LRRC69: variants seen among roughly 807,000 people sequenced by gnomAD.
The protein encoded by LRRC69 is leucine rich repeat containing 69.
A neutral mutation model predicts 37.8 loss-of-function variants in LRRC69; 42 were observed. The ratio of observed to expected loss-of-function variants is 1.11; its 90% CI spans 0.87 to 1.44. LRRC69 has a LOEUF of 1.44. Among genes scored for constraint, LRRC69 ranks in the 40% most tolerant of loss-of-function variants. The pLI, the probability that LRRC69 is intolerant of heterozygous loss-of-function variation, is 0.00. For missense variants in LRRC69, 357 were observed against 401.9 expected, an observed-to-expected ratio of 0.89 and a Z score of 0.96; for synonymous variants, 141 against 143.1, an observed-to-expected ratio of 0.99 and a Z score of 0.11.
Position 91,214,387 on chromosome 8 carries a change from C to T in LRRC69, c.934-4503C>T, listed in dbSNP as rs139872220. 1.9e-3 allele frequency among the ~76,000 whole-genome samples: 295 copies of T among 152,240 alleles called. 3 individuals are homozygous for T. Among genetic ancestry groups the T allele is most frequent in the African/African-American group, 6.5e-3 (270 of 41,542 alleles). ...CAGACTGGCATGGAAAAGAAATATA[C>T]TTCTTCAGTATGTTATTTGAAAACA... On this transcript the variant is annotated intron_variant, in intron 7 of 7. Coordinates refer to ENST00000448384, the Ensembl canonical transcript of LRRC69.
chr8:91,199,446 G>A (rs1410218509), intron 6 of LRRC69, among the ~76,000 whole-genome samples: 1 of 152,070 alleles, frequency 6.6e-6, no homozygotes, highest in Non-Finnish European at 1.5e-5. Flanking sequence ...GGAGGGATAG[G>A]ATAATAGGAA....
chr8:91,104,384 G>A (rs1813271537), intron 1 of LRRC69, among the ~76,000 whole-genome samples: 1 of 151,696 alleles, frequency 6.6e-6, no homozygotes, highest in Non-Finnish European at 1.5e-5. Context: ...TGTGTCTTGG[G>A]TAACTCTAAA....
intron 7 of LRRC69, among the ~76,000 whole-genome samples, chr8:91,203,663 T>C (rs1809748229): frequency 6.6e-6 from 1 of 151,816 alleles, no homozygotes; most frequent in African/African-American, 2.4e-5. Context: ...CCTCCCAAAG[T>C]GCTGGGATTA....
At chr8:91,145,588 A>C (rs1808606431) in intron 5 of LRRC69, among the ~76,000 whole-genome samples, 1 of 151,906 alleles carries the variant, frequency 6.6e-6, no homozygotes, top group Non-Finnish European at 1.5e-5. Context: ...TCAGTTTATT[A>C]GGAGCCATAC....
At chr8:91,181,963 T>C (rs1347579321) in intron 5 of LRRC69, among the ~76,000 whole-genome samples, 1 of 152,190 alleles carries the variant, frequency 6.6e-6, no homozygotes, top group Non-Finnish European at 1.5e-5. Context: ...ATGATGATGA[T>C]CTTTTACATA....
intron 1 of LRRC69, among the ~76,000 whole-genome samples, chr8:91,114,317 TGA>T (rs1486631231): frequency 6.6e-6 from 1 of 151,856 alleles, no homozygotes; most frequent in Non-Finnish European, 1.5e-5. Context: ...CCAAAGCAAA[TGA>T]AATCAGTATG....
intron 5 of LRRC69, among the ~76,000 whole-genome samples, chr8:91,168,812 A>G (rs1425231556): frequency 6.6e-6 from 1 of 151,978 alleles, no homozygotes; most frequent in Non-Finnish European, 1.5e-5. Context: ...TAAGTCATAT[A>G]AAACAGTAGA....
chr8:91,105,705 A>G (rs375638578), intron 1 of LRRC69, among the ~76,000 whole-genome samples: 1 of 149,970 alleles, frequency 6.7e-6, no homozygotes, highest in East Asian at 1.9e-4. Context: ...TTTCAAAGAA[A>G]GAGACAGCTT....
intron 1 of LRRC69, among the ~76,000 whole-genome samples, chr8:91,117,753 T>G (rs961767327): frequency 6.6e-6 from 1 of 151,706 alleles, no homozygotes; most frequent in African/African-American, 2.4e-5. Context: ...ACATGCCATG[T>G]TAGGCTGCAT....
At chr8:91,201,838 A>G (rs1362318776) in intron 7 of LRRC69, among the ~76,000 whole-genome samples, 1 of 152,220 alleles carries the variant, frequency 6.6e-6, no homozygotes, top group Non-Finnish European at 1.5e-5. Context: ...TGTGACTAAC[A>G]TGACATAAAA....
intron 5 of LRRC69, among the ~76,000 whole-genome samples, chr8:91,160,398 C>A (rs990621936): frequency 4.0e-5 from 6 of 150,510 alleles, no homozygotes; most frequent in Non-Finnish European, 8.9e-5. Context: ...TTTGTCTTGC[C>A]TAATTACTCT....
chr8:91,185,233 G>C (rs1439274359), intron 5 of LRRC69, among the ~76,000 whole-genome samples: 2 of 152,094 alleles, frequency 1.3e-5, no homozygotes, highest in Non-Finnish European at 2.9e-5. Context: ...TCTCCCTTCG[G>C]CTTTAAGGCC....
chr8:91,109,533 A>T (rs1037038550), intron 1 of LRRC69, among the ~76,000 whole-genome samples: 1 of 152,068 alleles, frequency 6.6e-6, no homozygotes, highest in African/African-American at 2.4e-5. Flanking sequence ...TTACATTTTA[A>T]TTGAATTCTA....
At chr8:91,184,008 CG>C (rs1462109153) in intron 5 of LRRC69, among the ~76,000 whole-genome samples, 1 of 152,080 alleles carries the variant, frequency 6.6e-6, no homozygotes, top group East Asian at 1.9e-4. Context: ...AGGCTTGGCA[CG>C]TGTCTCACAT....
chr8:91,155,635 C>T (rs983713523), intron 5 of LRRC69, among the ~76,000 whole-genome samples: 2 of 150,632 alleles, frequency 1.3e-5, no homozygotes, highest in South Asian at 2.1e-4. Flanking sequence ...ACGTTTTCCT[C>T]ACCTCTTCCC....
At chr8:91,123,893 A>T (rs1328439883) in intron 1 of LRRC69, among the ~76,000 whole-genome samples, 1 of 151,966 alleles carries the variant, frequency 6.6e-6, no homozygotes, top group Non-Finnish European at 1.5e-5. Context: ...TCTCTGTAGG[A>T]CAGATAACTG....
intron 1 of LRRC69, among the ~76,000 whole-genome samples, chr8:91,112,546 A>G (rs953976738): frequency 2.0e-5 from 3 of 152,120 alleles, no homozygotes; most frequent in African/African-American, 7.2e-5. Context: ...TCCATTCATG[A>G]TTAAAGCTCT....
chr8:91,109,937 G>A (rs563635450), intron 1 of LRRC69, among the ~76,000 whole-genome samples: 1 of 152,028 alleles, frequency 6.6e-6, no homozygotes, highest in Non-Finnish European at 1.5e-5. Context: ...TTAAACAGCG[G>A]TTTTAAGGAT....
At chr8:91,176,134 A>ATATATATATATATATTTTTT in intron 5 of LRRC69, among the ~76,000 whole-genome samples, 5 of 75,694 alleles carry the variant, frequency 6.6e-5, no homozygotes, top group African/African-American at 3.0e-4. Context: ...ATATATATAT[A>ATATATATATATATATTTTTT]TTTTTTTTTT....
Sources: allele counts gnomAD v4.1 joint callset (sites outside exome capture counted in the v4.1 genomes callset), GRCh38; gene constraint gnomAD v4.1.1; transcripts MANE v1.5; gene names NCBI Gene and HGNC (gene_info 2026-07-23, HGNC 2026-07-21).